LRRC28: variants seen among roughly 807,000 people sequenced by gnomAD.
LRRC28 encodes leucine rich repeat containing 28.
Under a neutral mutation model 45.7 loss-of-function variants are expected in LRRC28, and 39 were observed. That is an observed-to-expected ratio of 0.85 (90% CI 0.66 to 1.12). The LOEUF (loss-of-function observed/expected upper bound fraction) is 1.12. LRRC28 is among the 50% of genes most tolerant of loss of function. The probability of loss-of-function intolerance (pLI) is 0.00; values close to 1 mark genes in which losing one functional copy is unlikely to be tolerated. For synonymous variants in LRRC28, 206 were observed against 178.8 expected (o/e 1.15, Z -1.22); for missense variants, 435 against 438.5 (o/e 0.99, Z 0.07).
chr15:99,374,306 A>G (rs1597458186), intron 9 of LRRC28, among the ~76,000 whole-genome samples: 1 of 152,362 alleles, frequency 6.6e-6, no homozygotes, highest in East Asian at 1.9e-4. Flanking sequence ...CATATAAATC[A>G]TTAAACGTTT....
chr15:99,273,449 G>A (rs1392392759), intron 2 of LRRC28, among the ~76,000 whole-genome samples: 4 of 149,210 alleles, frequency 2.7e-5, no homozygotes. Context: ...GTGTTAGACA[G>A]GATGGTCTTG....
chr15:99,306,136 T>A (rs1054269359), intron 5 of LRRC28, among the ~76,000 whole-genome samples: 1 of 152,258 alleles, frequency 6.6e-6, no homozygotes, highest in African/African-American at 2.4e-5. Flanking sequence ...TATAATGATA[T>A]AGCTTTTAGG....
At chr15:99,367,142 T>C (rs1957361796) in intron 9 of LRRC28, among the ~76,000 whole-genome samples, 1 of 152,154 alleles carries the variant, frequency 6.6e-6, no homozygotes, top group South Asian at 2.1e-4. Context: ...TAGTTGCAAG[T>C]TGTAGATTGT....
chr15:99,344,988 G>A (rs188862972), intron 6 of LRRC28, among the ~76,000 whole-genome samples: 246 of 152,274 alleles, frequency 1.6e-3, no homozygotes, highest in African/African-American at 5.7e-3. Context: ...ACTGTAGGCC[G>A]TACTTCCAAA....
At position 99,305,936 on chromosome 15, in the gene LRRC28, C is replaced by T. The variant is rs1177306341; in HGVS notation, c.385+17985C>T. 2.0e-5 allele frequency among the ~76,000 whole-genome samples: 3 copies of T among 152,260 alleles called. No homozygotes were observed. The East Asian group carries it at 5.8e-4, about 29-fold the overall frequency. ...GAAAAAGAGGGCAGTATTTTAGTAC[C>T]AGTCATTGAGAAATTAAGCCTTGAG... On this transcript the variant is annotated intron_variant, in intron 5 of 9. Coordinates refer to ENST00000301981, the MANE Select transcript of LRRC28 (RefSeq NM_144598.5).
intron 3 of LRRC28, among the ~76,000 whole-genome samples, chr15:99,280,499 TTTG>T (rs1329157114): frequency 3.9e-5 from 6 of 152,120 alleles, no homozygotes; most frequent in Admixed American, 3.3e-4. Flanking sequence ...GACCATTTTT[TTTG>T]TTGTTGTTGT....
At chr15:99,325,022 G>A (rs1955925436) in intron 5 of LRRC28, among the ~76,000 whole-genome samples, 1 of 152,162 alleles carries the variant, frequency 6.6e-6, no homozygotes. Context: ...ATCAGTTTGG[G>A]GAGTGTGCCA....
At chr15:99,315,398 C>T (rs2152270548) in intron 5 of LRRC28, among the ~76,000 whole-genome samples, 1 of 152,112 alleles carries the variant, frequency 6.6e-6, no homozygotes, top group South Asian at 2.1e-4. Context: ...CTTTCTTATT[C>T]TCTTATTATA....
At chr15:99,340,328 A>G (rs1956466004) in intron 6 of LRRC28, among the ~76,000 whole-genome samples, 1 of 152,242 alleles carries the variant, frequency 6.6e-6, no homozygotes, top group Admixed American at 6.5e-5. Flanking sequence ...TCTTTTTGTA[A>G]ATGGCATATA....
chr15:99,258,436 C>T, intron 2 of LRRC28: 4 of 895,776 alleles, frequency 4.5e-6, no homozygotes, highest in Non-Finnish European at 7.5e-6. Flanking sequence ...AAAATATTCA[C>T]AGTTCATAAA....
intron 2 of LRRC28, among the ~76,000 whole-genome samples, chr15:99,269,349 G>A (rs1265135455): frequency 6.6e-6 from 1 of 151,756 alleles, no homozygotes. Flanking sequence ...GAGTTTAAGT[G>A]AAAAATCAGT....
At chr15:99,380,188 C>T (rs1199718536) in intron 9 of LRRC28, among the ~76,000 whole-genome samples, 2 of 152,176 alleles carry the variant, frequency 1.3e-5, no homozygotes, top group Non-Finnish European at 2.9e-5. Context: ...CTTTCTAGGT[C>T]TGTAAGTACT....
At chr15:99,341,846 TG>T (rs1230129643) in intron 6 of LRRC28, among the ~76,000 whole-genome samples, 1 of 152,210 alleles carries the variant, frequency 6.6e-6, no homozygotes, top group East Asian at 1.9e-4. Context: ...TAGTGAAGTC[TG>T]GAAGATGTTA....
In LRRC28 at chr15:99,251,552, C is replaced by G. The variant is rs919105024; in HGVS notation, c.-61+11C>G. The stretch of plus-strand genomic sequence containing the variant: ...TCTGCTGGCGCTGAGGTGAGTAGAG[C>G]TGTCCGCCTCGTCGGGTGATTCAAG... On this transcript the variant is annotated intron_variant, in intron 1 of 9. Coordinates refer to ENST00000301981, the MANE Select transcript of LRRC28 (RefSeq NM_144598.5). The G allele has an allele frequency of 6.6e-6, 1 of 152,246 alleles. No homozygotes were observed. 9.4% of individuals were successfully genotyped at this position (152,246 alleles called of 1,614,324 possible).
chr15:99,374,676 ATC>A (rs1184234252), intron 9 of LRRC28, among the ~76,000 whole-genome samples: 2 of 148,148 alleles, frequency 1.3e-5, no homozygotes, highest in Admixed American at 6.7e-5. Context: ...CCTTGTTCCA[ATC>A]TCTTTTTTTT....
Position 99,363,124 on chromosome 15 carries a change from C to T in LRRC28, c.890C>T (p.Pro297Leu), listed in dbSNP as rs1567698922. 18 of 1,609,434 alleles carry T rather than the reference C, an allele frequency of 1.1e-5. No homozygotes were observed. Among genetic ancestry groups the T allele is most frequent in the Non-Finnish European group, 1.5e-5 (18 of 1,177,952 alleles). The change falls in exon 9 of 10, where the codon CCA becomes CTA. Residue 297 changes from proline to leucine, a missense_variant. By Grantham distance (98) the Pro-to-Leu change is moderately conservative (BLOSUM62 -3). Coordinates refer to ENST00000301981, the MANE Select transcript of LRRC28 (RefSeq NM_144598.5). ...GTTCCAGATTTGAACTTTCTGTCTC[C>T]AATCTCATTACCCAGAAGTCTCCTA... Reference protein sequence around the residue: ...SLLKDLNFLSPISLPRSLLEL... With the variant: ...SLLKDLNFLSLISLPRSLLEL...
intron 9 of LRRC28, among the ~76,000 whole-genome samples, chr15:99,378,578 T>G (rs1957717283): frequency 6.6e-6 from 1 of 152,200 alleles, no homozygotes; most frequent in South Asian, 2.1e-4. Context: ...AACACTGTGT[T>G]GAATAGGAGT....
chr15:99,273,533 G>T (rs1007276591), intron 2 of LRRC28, among the ~76,000 whole-genome samples: 1 of 150,580 alleles, frequency 6.6e-6, no homozygotes, highest in Non-Finnish European at 1.5e-5. Flanking sequence ...CACCGTGCCC[G>T]GCCGTGTCTG....
intron 6 of LRRC28, among the ~76,000 whole-genome samples, chr15:99,346,429 T>C (rs912975782): frequency 2.0e-5 from 3 of 152,250 alleles, no homozygotes; most frequent in Admixed American, 6.5e-5. Context: ...TTTTGTTTTA[T>C]GATAAATTAC....
Sources: allele counts gnomAD v4.1 joint callset (sites outside exome capture counted in the v4.1 genomes callset), GRCh38; gene constraint gnomAD v4.1.1; transcripts MANE v1.5; gene names NCBI Gene and HGNC (gene_info 2026-07-23, HGNC 2026-07-21).